Variants in EML6 observed in about 807,000 individuals in gnomAD.
The protein encoded by EML6 is echinoderm microtubule-associated protein-like 6.
EML6 carries 154 observed loss-of-function variants against 240.1 expected under a neutral mutation model. The observed-to-expected ratio is 0.64, with a 90% confidence interval of 0.56 to 0.73. The LOEUF (loss-of-function observed/expected upper bound fraction) is 0.73. Among genes scored for constraint, EML6 ranks in the 30% least tolerant of loss-of-function variants. EML6 has a pLI of 0.00. For missense variants in EML6, 2,964 were observed against 2,474.6 expected, an observed-to-expected ratio of 1.20 and a Z score of -4.20; for synonymous variants, 1,148 against 899.0, an observed-to-expected ratio of 1.28 and a Z score of -4.95.
chr2:54,886,239 C>T (rs1399831309), intron 17 of EML6, among the ~76,000 whole-genome samples: 1 of 148,910 alleles, frequency 6.7e-6, no homozygotes, highest in African/African-American at 2.5e-5. Flanking sequence ...GATCTTGGCC[C>T]ACTGCAACCT....
chr2:54,970,557 A>T lies in EML6; in HGVS notation c.*462A>T, dbSNP rs1558738801. On this transcript the variant is annotated 3_prime_UTR_variant, in exon 42 of 42. Coordinates refer to ENST00000356458, the MANE Select transcript of EML6 (RefSeq NM_001039753.4). ...AGACAGCCTAAGTTAGATGCACCGA[A>T]GTACTAGAAATATCGCTAGCCTCTG... 1 of 161,246 alleles carries T rather than the reference A, an allele frequency of 6.2e-6. No individual in the cohort carries two copies. Among genetic ancestry groups the T allele is most frequent in the Non-Finnish European group, 1.4e-5 (1 of 72,886 alleles). The allele number at this position is 161,246 out of a possible 1,614,324, so 10.0% of individuals were successfully genotyped here. A position where few individuals can be genotyped will look rare whatever the true frequency, so the allele number is the denominator to read the frequency against.
At chr2:54,828,143 A>G (rs1159566021) in intron 6 of EML6, among the ~76,000 whole-genome samples, 2 of 152,218 alleles carry the variant, frequency 1.3e-5, no homozygotes, top group Non-Finnish European at 2.9e-5. Context: ...AGTGACCCAT[A>G]GTTTGAACAG....
At chr2:54,953,053 G>A (rs374373022) in intron 31 of EML6, among the ~76,000 whole-genome samples, 38 of 152,230 alleles carry the variant, frequency 2.5e-4, no homozygotes, top group African/African-American at 8.9e-4. Flanking sequence ...GACCCCCTGT[G>A]CCCTGGGAAA....
chr2:54,899,550 A>T, intron 21 of EML6, 91 bp from the exon 22 acceptor site: 2 of 1,258,474 alleles, frequency 1.6e-6, no homozygotes, highest in Admixed American at 3.1e-5. Context: ...TTTTTGTGGT[A>T]CTCTTGGACT....
At chr2:54,949,432 TC>T (rs959913618) in intron 29 of EML6, among the ~76,000 whole-genome samples, 4 of 152,158 alleles carry the variant, frequency 2.6e-5, no homozygotes, top group African/African-American at 9.7e-5. Context: ...GTTTCCATTT[TC>T]CCGACGAGGA....
intron 22 of EML6, among the ~76,000 whole-genome samples, chr2:54,900,295 G>A (rs1213656876): frequency 6.6e-6 from 1 of 152,174 alleles, no homozygotes; most frequent in Non-Finnish European, 1.5e-5. Flanking sequence ...AGGCACAGGG[G>A]ATCCCATGAT....
At chr2:54,890,919 G>T in intron 17 of EML6, 135 bp from the exon 18 acceptor site, 1 of 456,942 alleles carries the variant, frequency 2.2e-6, no homozygotes, top group South Asian at 6.3e-5. Context: ...GTAGATGCCC[G>T]TGTGGATTTT....
At chr2:54,840,030 T>C (rs1441519707) in intron 7 of EML6, among the ~76,000 whole-genome samples, 1 of 152,204 alleles carries the variant, frequency 6.6e-6, no homozygotes, top group African/African-American at 2.4e-5. Context: ...AGTAAAAAAG[T>C]AGATTATTTA....
intron 24 of EML6, 111 bp downstream of exon 24, chr2:54,903,613 T>A: frequency 5.4e-5 from 34 of 624,326 alleles, no homozygotes; most frequent in East Asian, 7.4e-5. Flanking sequence ...GAAAGGGGAA[T>A]CCCACAACAA....
intron 11 of EML6, among the ~76,000 whole-genome samples, chr2:54,856,302 T>A (rs961392837): frequency 1.3e-5 from 2 of 152,180 alleles, no homozygotes; most frequent in Non-Finnish European, 2.9e-5. Flanking sequence ...CCTTGCTCAA[T>A]GACAATTTTC....
intron 28 of EML6, among the ~76,000 whole-genome samples, chr2:54,930,516 CTCTT>C (rs912361917): frequency 4.6e-5 from 7 of 151,762 alleles, no homozygotes; most frequent in South Asian, 2.1e-4. Context: ...ACTGGAATGA[CTCTT>C]TTTTTTTTTA....
Position 54,882,167 on chromosome 2 carries a change from A to T in EML6, c.2438+2527A>T, listed in dbSNP as rs531171117. ...AGATACTCAAGATTTTATTTTCAAG[A>T]TCTCTGTGAGACGATCCGATCTGTT... On this transcript the variant is annotated intron_variant, in intron 17 of 41. Coordinates refer to ENST00000356458, the MANE Select transcript of EML6 (RefSeq NM_001039753.4). The T allele has an allele frequency of 2.6e-5, 4 of 152,146 alleles. No individual in the cohort carries two copies. In the South Asian group the frequency reaches 6.2e-4, roughly 24 times the overall value. 9.4% of individuals were successfully genotyped at this position (152,146 alleles called of 1,614,324 possible). A position where few individuals can be genotyped will look rare whatever the true frequency, so the allele number is the denominator to read the frequency against.
intron 2 of EML6, among the ~76,000 whole-genome samples, chr2:54,741,793 C>A (rs1341302575): frequency 1.3e-5 from 2 of 152,166 alleles, no homozygotes; most frequent in Admixed American, 6.5e-5. Flanking sequence ...AATAAAAATC[C>A]TTGCATCCAT....
chr2:54,799,249 AG>A lies in EML6; in HGVS notation c.198-13981del, dbSNP rs574215208. Among the ~76,000 whole-genome samples, 164 of 145,064 alleles carry A rather than the reference AG, an allele frequency of 1.1e-3. 1 individual carries two copies. The highest frequency in any genetic ancestry group is 3.9e-3 in the African/African-American group (152 of 39,012). ...CTAATTTTTGTATTTTTAGTAGAGAAGGAGTTTTACAATGTTGGCCAGGCTG... is the reference window on the plus strand; with the variant it reads ...CTAATTTTTGTATTTTTAGTAGAGAAGAGTTTTACAATGTTGGCCAGGCTG... On this transcript the variant is annotated intron_variant, in intron 2 of 41. Transcript: ENST00000356458.
intron 28 of EML6, among the ~76,000 whole-genome samples, chr2:54,945,883 T>C (rs939742750): frequency 5.9e-5 from 9 of 152,188 alleles, no homozygotes; most frequent in African/African-American, 2.2e-4. Context: ...CAGCAGGAAT[T>C]GGCCTTCCCA....
At chr2:54,875,585 T>A (rs1288311314) in intron 16 of EML6, among the ~76,000 whole-genome samples, 1 of 152,232 alleles carries the variant, frequency 6.6e-6, no homozygotes, top group Admixed American at 6.5e-5. Context: ...AGCACAGTTA[T>A]GTGTGAGGAT....
intron 2 of EML6, among the ~76,000 whole-genome samples, chr2:54,797,166 A>AG (rs1669836333): frequency 1.0e-5 from 1 of 100,402 alleles, no homozygotes; most frequent in Non-Finnish European, 2.3e-5. Context: ...CTCCATCTCA[A>AG]AAAAAAAAAA....
chr2:54,830,511 C>T (rs920847923), intron 7 of EML6, among the ~76,000 whole-genome samples: 2 of 152,170 alleles, frequency 1.3e-5, no homozygotes, highest in South Asian at 2.1e-4. Context: ...AGGCCTGAAA[C>T]GAGTTGTTTC....
chr2:54,904,328 C>T (rs1673206720), intron 24 of EML6, among the ~76,000 whole-genome samples: 1 of 152,116 alleles, frequency 6.6e-6, no homozygotes, highest in African/African-American at 2.4e-5. Context: ...ATCCTCAAGA[C>T]TCGGCTGATG....
Sources: allele counts gnomAD v4.1 joint callset (sites outside exome capture counted in the v4.1 genomes callset), GRCh38; gene constraint gnomAD v4.1.1; transcripts MANE v1.5; gene names NCBI Gene and HGNC (gene_info 2026-07-23, HGNC 2026-07-21).